The following LRRC4B variants were observed in gnomAD, a reference collection of about 807,000 sequenced individuals.
LRRC4B encodes leucine-rich repeat-containing protein 4B.
In LRRC4B, 1 loss-of-function variant was observed where a neutral mutation model predicts 7.3. The ratio of observed to expected loss-of-function variants is 0.14; its 90% CI spans 0.05 to 0.65. The LOEUF is 0.65. Among genes scored for constraint, LRRC4B ranks in the 30% least tolerant of loss-of-function variants. The pLI is 0.84. For synonymous variants in LRRC4B, 500 were observed against 499.2 expected (o/e 1.00, Z -0.02); for missense variants, 730 against 1,041.6 (o/e 0.70, Z 4.12).
At chr19:50,558,816 T>C (rs1468185246) in intron 1 of LRRC4B, among the ~76,000 whole-genome samples, 1 of 152,208 alleles carries the variant, frequency 6.6e-6, no homozygotes, top group Non-Finnish European at 1.5e-5. Flanking sequence ...CTCCGTCTGC[T>C]CCTTGGCCCT....
Position 50,516,987 on chromosome 19 carries a change from T to C in LRRC4B, c.*584A>G, listed in dbSNP as rs1435215912. The C allele has an allele frequency of 6.6e-6, 1 of 151,602 alleles. No homozygotes were observed. The highest frequency in any genetic ancestry group is 1.9e-4 in the East Asian group (1 of 5,178). The allele number at this position is 151,602 out of a possible 1,614,324, so 9.4% of individuals were successfully genotyped here. A position where few individuals can be genotyped will look rare whatever the true frequency, so the allele number is the denominator to read the frequency against. On this transcript the variant is annotated 3_prime_UTR_variant, in exon 3 of 3. Coordinates refer to ENST00000652263, the MANE Select transcript of LRRC4B (RefSeq NM_001080457.2). ...GTCGTTGACGCAAACCTCCCTTCAG[T>C]ATCAAAAGTGTCTGTGGGGCAGGTG... is the stretch of plus-strand genomic sequence containing the variant.
chr19:50,518,580 C>A lies in LRRC4B; in HGVS notation c.1133G>T (p.Gly378Val). The A allele has an allele frequency of 6.3e-7, 1 of 1,593,880 alleles. No individual in the cohort carries two copies. The highest frequency in any genetic ancestry group is 8.6e-7 in the Non-Finnish European group (1 of 1,167,746). Reference protein sequence around the residue: ...EPPTDLNVTEGMAAELKCRTG... With the variant: ...EPPTDLNVTEVMAAELKCRTG... The stretch of plus-strand genomic sequence containing the variant: ...GCGGCATTTGAGCTCGGCAGCCATG[C>A]CCTCGGTGACGTTGAGGTCCGTGGG... The change falls in exon 3 of 3, where the codon GGC becomes GTC. Residue 378 changes from glycine (G) to valine (V), a missense_variant. Gly to Val is a moderately radical substitution (Grantham distance 109, BLOSUM62 -3). Around this residue, in one of 6 missense-constraint regions of LRRC4B, gnomAD observed 226 missense variants for 448.0 expected, o/e 0.50. Coordinates refer to ENST00000652263, the MANE Select transcript of LRRC4B (RefSeq NM_001080457.2).
At chr19:50,543,335 GGTGTGT>G (rs143123202) in intron 2 of LRRC4B, among the ~76,000 whole-genome samples, 46 of 145,288 alleles carry the variant, frequency 3.2e-4, no homozygotes, top group East Asian at 1.2e-3. Context: ...GCCAGGCCCT[GGTGTGT>G]GTGTGTGTGT....
At chr19:50,547,979 C>T (rs558282969) in intron 2 of LRRC4B, among the ~76,000 whole-genome samples, 2 of 152,032 alleles carry the variant, frequency 1.3e-5, no homozygotes, top group African/African-American at 4.8e-5. Flanking sequence ...CTGCACTGCC[C>T]GGCAAATGAC....
intron 2 of LRRC4B, among the ~76,000 whole-genome samples, chr19:50,521,877 A>T (rs1374306048): frequency 1.3e-5 from 2 of 151,952 alleles, no homozygotes; most frequent in Non-Finnish European, 1.5e-5. Flanking sequence ...ACATAGTTTT[A>T]AAAATGAAAA....
chr19:50,548,886 G>T lies in LRRC4B; in HGVS notation c.-35-13C>A. ...GGACGCTGGGGGGCTGTGGGTGGGG[G>T]AGAGAAGGGGGAGAGGCTTGGTGAG... On this transcript the variant is annotated splice_polypyrimidine_tract_variant and intron_variant, in intron 1 of 2. Transcript: ENST00000652263. The surrounding 1 kb of genome is among the most constrained non-coding windows in gnomAD (Gnocchi z 6.8). The T allele has an allele frequency of 2.1e-5, 22 of 1,024,764 alleles. No homozygotes were observed. Among genetic ancestry groups the T allele is most frequent in the Admixed American group, 2.9e-5 (1 of 34,566 alleles). The allele number at this position is 1,024,764 out of a possible 1,614,324, so 63.5% of individuals were successfully genotyped here.
At position 50,532,233 on chromosome 19, in the gene LRRC4B, C is replaced by CAACAAA. The variant is rs368518866; in HGVS notation, c.298-12824_298-12819dup. On this transcript the variant is annotated intron_variant, in intron 2 of 2. Transcript: ENST00000652263. The stretch of plus-strand genomic sequence containing the variant: ...CCTGGGTGACAGTGAGACTCTGTCT[C>CAACAAA]AACAAAAACAAAAACAAAAACAAAA... 1.9e-3 allele frequency among the ~76,000 whole-genome samples: 291 copies of CAACAAA among 152,066 alleles called. 4 individuals are homozygous for CAACAAA. The highest frequency in any genetic ancestry group is 0.013 in the Admixed American group (205 of 15,244).
intron 2 of LRRC4B, among the ~76,000 whole-genome samples, chr19:50,546,815 G>A (rs554069755): frequency 1.3e-5 from 2 of 152,310 alleles, no homozygotes; most frequent in South Asian, 4.1e-4. Flanking sequence ...CTGGTGAGTG[G>A]CGTGGGTGCC....
At chr19:50,552,657 CA>C (rs1568734013) in intron 1 of LRRC4B, among the ~76,000 whole-genome samples, 3 of 31,660 alleles carry the variant, frequency 9.5e-5, no homozygotes, top group African/African-American at 5.9e-4. Context: ...TCCATCCATC[CA>C]TCCATCCATC....
chr19:50,544,862 C>G (rs1981729716), intron 2 of LRRC4B, among the ~76,000 whole-genome samples: 2 of 151,936 alleles, frequency 1.3e-5, no homozygotes, highest in African/African-American at 4.8e-5. Context: ...CAAGACCAGC[C>G]TGGGAAACAT....
chr19:50,547,404 C>T (rs1391933395), intron 2 of LRRC4B, among the ~76,000 whole-genome samples: 1 of 152,218 alleles, frequency 6.6e-6, no homozygotes, highest in East Asian at 1.9e-4. Flanking sequence ...CCACCCTTTC[C>T]CAGGGACAGA....
At chr19:50,523,496 G>A (rs941265678) in intron 2 of LRRC4B, among the ~76,000 whole-genome samples, 1 of 133,340 alleles carries the variant, frequency 7.5e-6, no homozygotes, top group African/African-American at 2.8e-5. Flanking sequence ...TGGCCAACAT[G>A]ATAAAACTCC....
rs1980417023 is a variant in LRRC4B, at chr19:50,518,677, G to C, written c.1036C>G (p.Leu346Val). 6.2e-7 allele frequency: 1 copy of C among 1,613,570 alleles called. No homozygotes were observed. Among genetic ancestry groups the C allele is most frequent in the South Asian group, 1.1e-5 (1 of 91,058 alleles). The change falls in exon 3 of 3, where the codon CTC becomes GTC. Residue 346 changes from leucine to valine, a missense_variant. Physicochemically the swap from Leu to Val is conservative, Grantham distance 32 (BLOSUM62 1). Coordinates refer to ENST00000652263, the MANE Select transcript of LRRC4B (RefSeq NM_001080457.2). Reference sequence around the variant, plus strand: ...AGCTCCCCAATGTAGCGCCCCTTGAGGCCGGCGGGCGCATGACAGCGGGCG... The same window carrying C: ...AGCTCCCCAATGTAGCGCCCCTTGACGCCGGCGGGCGCATGACAGCGGGCG... ...CCARCHAPAG[L>V]KGRYIGELDQ...
At chr19:50,524,417 A>G (rs1278558876) in intron 2 of LRRC4B, among the ~76,000 whole-genome samples, 1 of 151,780 alleles carries the variant, frequency 6.6e-6, no homozygotes, top group Non-Finnish European at 1.5e-5. Flanking sequence ...GGCTAATTTT[A>G]TTTTATTTTA....
Position 50,555,041 on chromosome 19 carries a change from C to T in LRRC4B, c.-35-6168G>A, listed in dbSNP as rs1196160213. 6.6e-6 allele frequency among the ~76,000 whole-genome samples: 1 copy of T among 152,170 alleles called. No homozygotes were observed. The highest frequency in any genetic ancestry group is 1.5e-5 in the Non-Finnish European group (1 of 68,026). On this transcript the variant is annotated intron_variant, in intron 1 of 2. Coordinates refer to ENST00000652263, the MANE Select transcript of LRRC4B (RefSeq NM_001080457.2). The surrounding 1 kb of genome is among the most constrained non-coding windows in gnomAD (Gnocchi z 5.2). Reference sequence around the variant, plus strand: ...CGCACTGCACAGGATATCACACGCCCGACACCCCACCACGGCTTCACGCCC... The same window carrying T: ...CGCACTGCACAGGATATCACACGCCTGACACCCCACCACGGCTTCACGCCC...
intron 2 of LRRC4B, among the ~76,000 whole-genome samples, chr19:50,542,228 A>T (rs1981579974): frequency 6.6e-6 from 1 of 152,112 alleles, no homozygotes; most frequent in African/African-American, 2.4e-5. Context: ...TACCTGACTG[A>T]GGAGCGAGGA....
At position 50,518,978 on chromosome 19, in the gene LRRC4B, G is replaced by A; in HGVS notation, c.735C>T (p.Arg245=). The A allele has an allele frequency of 8.1e-6, 13 of 1,613,368 alleles. No homozygotes were observed. Among genetic ancestry groups the A allele is most frequent in the Non-Finnish European group, 1.1e-5 (13 of 1,179,844 alleles). Reference sequence around the variant, plus strand: ...TGGTGAGACCCTGGAAGGAGCCCGGGCGGATCAGGTCCAGCCGGTTGCCCG... The same window carrying A: ...TGGTGAGACCCTGGAAGGAGCCCGGACGGATCAGGTCCAGCCGGTTGCCCG... ...ELSGNRLDLI[R]PGSFQGLTSL... Residue 245 remains arginine (R), a synonymous_variant, in exon 3 of 3, where the codon CGC becomes CGT. Transcript: ENST00000652263.
chr19:50,546,100 C>T (rs1461754319), intron 2 of LRRC4B, among the ~76,000 whole-genome samples: 1 of 151,774 alleles, frequency 6.6e-6, no homozygotes, highest in African/African-American at 2.4e-5. Flanking sequence ...TTTGGGAGGC[C>T]GAGGCGGGTG....
In LRRC4B at chr19:50,518,585, G is replaced by C; in HGVS notation, c.1128C>G (p.Thr376=). Residue 376 remains threonine (T), a synonymous_variant, in exon 3 of 3, where the codon ACC becomes ACG. Coordinates refer to ENST00000652263, the MANE Select transcript of LRRC4B (RefSeq NM_001080457.2). ...IVEPPTDLNV[T]EGMAAELKCR... ...ATTTGAGCTCGGCAGCCATGCCCTC[G>C]GTGACGTTGAGGTCCGTGGGCGGCT... The C allele has an allele frequency of 6.3e-7, 1 of 1,595,398 alleles. No individual in the cohort carries two copies. The highest frequency in any genetic ancestry group is 2.2e-5 in the East Asian group (1 of 44,588).
Sources: allele counts gnomAD v4.1 joint callset (sites outside exome capture counted in the v4.1 genomes callset), GRCh38; gene constraint gnomAD v4.1.1; regional missense constraint gnomAD v4.1.1; non-coding constraint Gnocchi (gnomAD v3.1); transcripts MANE v1.5; gene names NCBI Gene and HGNC (gene_info 2026-07-23, HGNC 2026-07-21).